Variants in USP46 observed in about 807,000 individuals in gnomAD.
USP46 encodes the protein ubiquitin carboxyl-terminal hydrolase 46.
Under a neutral mutation model 44.4 loss-of-function variants are expected in USP46, and 12 were observed. The observed-to-expected ratio is 0.27, with a 90% CI of 0.17 to 0.44. The LOEUF is 0.44. Among genes scored for constraint, USP46 ranks in the 20% least tolerant of loss-of-function variants. The pLI, the probability that USP46 is intolerant of heterozygous loss-of-function variation, is 1.00. For synonymous variants in USP46, 155 were observed against 161.5 expected, an observed-to-expected ratio of 0.96 and a Z score of 0.31; for missense variants, 248 against 444.8, an observed-to-expected ratio of 0.56 and a Z score of 3.98.
intron 2 of USP46, among the ~76,000 whole-genome samples, chr4:52,629,965 T>A (rs1331683203): frequency 6.6e-6 from 1 of 152,228 alleles, no homozygotes; most frequent in Non-Finnish European, 1.5e-5. Flanking sequence ...CAGCATTTAC[T>A]TGCAGAGAAT....
At chr4:52,642,666 T>A (rs945192548) in intron 1 of USP46, among the ~76,000 whole-genome samples, 1 of 152,128 alleles carries the variant, frequency 6.6e-6, no homozygotes, top group South Asian at 2.1e-4. Context: ...AAAATTGAGG[T>A]TGGGAGTCAG....
intron 1 of USP46, among the ~76,000 whole-genome samples, chr4:52,636,241 G>A (rs1357167616): frequency 6.6e-6 from 1 of 152,060 alleles, no homozygotes; most frequent in African/African-American, 2.4e-5. Context: ...TGGAGGAAGA[G>A]GCCAGAGGCA....
At chr4:52,620,640 T>C (rs1717341883) in intron 4 of USP46, among the ~76,000 whole-genome samples, 1 of 152,084 alleles carries the variant, frequency 6.6e-6, no homozygotes, top group Non-Finnish European at 1.5e-5. Flanking sequence ...CAGGGACAGA[T>C]GATGTAGAGA....
intron 7 of USP46, among the ~76,000 whole-genome samples, chr4:52,600,695 C>T (rs1209944639): frequency 2.0e-5 from 3 of 152,052 alleles, no homozygotes; most frequent in African/African-American, 4.8e-5. Flanking sequence ...CACACCACCC[C>T]TGCCACCCAC....
At chr4:52,654,746 A>C (rs992586609) in intron 1 of USP46, among the ~76,000 whole-genome samples, 1 of 152,190 alleles carries the variant, frequency 6.6e-6, no homozygotes, top group Admixed American at 6.5e-5. Flanking sequence ...GATGTCAAAA[A>C]TTATCCTGAG....
Position 52,636,540 on chromosome 4 carries a change from T to C in USP46, c.37-5396A>G, listed in dbSNP as rs536161569. Among the ~76,000 whole-genome samples, 181 of 151,886 alleles carry C rather than the reference T, an allele frequency of 1.2e-3. No individual in the cohort carries two copies. The Middle Eastern group carries it at 0.024, about 20-fold the overall frequency. On this transcript the variant is annotated intron_variant, in intron 1 of 8. Coordinates refer to ENST00000441222, the MANE Select transcript of USP46 (RefSeq NM_022832.4). Reference sequence around the variant, plus strand: ...GGCCAATATGGTGAAACCCCATCTCTAGTAAAAATACAAAAATTAGCCGGG... The same window carrying C: ...GGCCAATATGGTGAAACCCCATCTCCAGTAAAAATACAAAAATTAGCCGGG...
At position 52,595,757 on chromosome 4, in the gene USP46, T is replaced by C. The variant is rs1016556078; in HGVS notation, c.*1883A>G. 6.6e-6 allele frequency: 1 copy of C among 152,188 alleles called. No homozygotes were observed. Among genetic ancestry groups the C allele is most frequent in the African/African-American group, 2.4e-5 (1 of 41,442 alleles). 9.4% of individuals were successfully genotyped at this position (152,188 alleles called of 1,614,324 possible). Reference sequence around the variant, plus strand: ...TTCCAAATATATTAGAGACCAACCATCATGTTCTTAAAACTTTGTAACTTG... The same window carrying C: ...TTCCAAATATATTAGAGACCAACCACCATGTTCTTAAAACTTTGTAACTTG... On this transcript the variant is annotated 3_prime_UTR_variant, in exon 9 of 9. Transcript: ENST00000441222.
chr4:52,658,123 G>T (rs1211542763), intron 1 of USP46: 2 of 442,814 alleles, frequency 4.5e-6, no homozygotes, highest in South Asian at 1.6e-5. Context: ...GGGGCTAGAG[G>T]GGAGGCGGGG....
intron 4 of USP46, among the ~76,000 whole-genome samples, chr4:52,624,510 G>C (rs1717501687): frequency 6.6e-6 from 1 of 152,138 alleles, no homozygotes; most frequent in African/African-American, 2.4e-5. Context: ...CTTCTACAAT[G>C]GGTAAAACAG....
At chr4:52,644,842 G>A (rs184252186) in intron 1 of USP46, among the ~76,000 whole-genome samples, 50 of 151,858 alleles carry the variant, frequency 3.3e-4, no homozygotes, top group African/African-American at 1.1e-3. Flanking sequence ...TGGATCACGC[G>A]GTCAGGAGTT....
In USP46 at chr4:52,597,693, T is replaced by C. The variant is rs1246314224; in HGVS notation, c.1048A>G (p.Ile350Val). ...TATCCAGATTCTGAATTTTTTGATA[T>C]ATCTGACGTCAGGCCATAGAATTCT... ...IEEFYGLTSD[I>V]SKNSESGYIL... The change falls in exon 9 of 9, where the codon ATA becomes GTA. Residue 350 changes from isoleucine (I) to valine (V), a missense_variant. Around this residue, in one of 5 missense-constraint regions of USP46, gnomAD observed 28 missense variants for 28.5 expected, o/e 0.98. Transcript: ENST00000441222. The C allele has an allele frequency of 3.7e-6, 6 of 1,603,744 alleles. No individual in the cohort carries two copies. In the East Asian group the frequency reaches 1.1e-4, roughly 30 times the overall value.
At chr4:52,610,678 A>G in intron 4 of USP46, 61 bp from the exon 5 acceptor site, 1 of 1,500,920 alleles carries the variant, frequency 6.7e-7, no homozygotes, top group Non-Finnish European at 9.2e-7. Context: ...AAAACTTTGA[A>G]CATGTATAGG....
chr4:52,625,040 T>A (rs932228073), intron 4 of USP46, among the ~76,000 whole-genome samples: 4 of 152,222 alleles, frequency 2.6e-5, no homozygotes, highest in African/African-American at 9.6e-5. Flanking sequence ...CTACTACCTC[T>A]CTTTCCAGAA....
chr4:52,635,132 G>A (rs1257644993), intron 1 of USP46, among the ~76,000 whole-genome samples: 1 of 149,482 alleles, frequency 6.7e-6, no homozygotes, highest in Admixed American at 6.7e-5. Flanking sequence ...GTTACCACTG[G>A]CTTCTTTTAA....
intron 1 of USP46, among the ~76,000 whole-genome samples, chr4:52,646,045 A>G (rs1406283420): frequency 1.3e-5 from 2 of 151,776 alleles, no homozygotes; most frequent in African/African-American, 4.8e-5. Flanking sequence ...AGTCAATTAA[A>G]CCTCTTTTCT....
chr4:52,650,285 G>A (rs1042176460), intron 1 of USP46, among the ~76,000 whole-genome samples: 3 of 152,176 alleles, frequency 2.0e-5, no homozygotes, highest in Non-Finnish European at 4.4e-5. Context: ...GAATAAACTC[G>A]ACCTCTATGT....
At position 52,594,085 on chromosome 4, in the gene USP46, A is replaced by G. The variant is rs1220095628; in HGVS notation, c.*3555T>C. 1 of 152,228 alleles carries G rather than the reference A, an allele frequency of 6.6e-6. No homozygotes were observed. Among genetic ancestry groups the G allele is most frequent in the Non-Finnish European group, 1.5e-5 (1 of 68,030 alleles). 9.4% of individuals were successfully genotyped at this position (152,228 alleles called of 1,614,324 possible). A position where few individuals can be genotyped will look rare whatever the true frequency, so the allele number is the denominator to read the frequency against. On this transcript the variant is annotated 3_prime_UTR_variant, in exon 9 of 9. Coordinates refer to ENST00000441222, the MANE Select transcript of USP46 (RefSeq NM_022832.4). ...AATTGTTTGTAATAATTACTTGGACATAAGACCTGCCACTGACTCACACTT... is the reference window on the plus strand; with the variant it reads ...AATTGTTTGTAATAATTACTTGGACGTAAGACCTGCCACTGACTCACACTT...
chr4:52,632,998 G>GAAAGAAAGAAAGAAAAGA (rs1717967173), intron 1 of USP46, among the ~76,000 whole-genome samples: 5 of 112,614 alleles, frequency 4.4e-5, no homozygotes, highest in South Asian at 6.1e-4. Flanking sequence ...AGAAAAGAAA[G>GAAAGAAAGAAAGAAAAGA]AAAGAAAGAA....
At chr4:52,622,120 G>T (rs917424487) in intron 4 of USP46, among the ~76,000 whole-genome samples, 1 of 152,162 alleles carries the variant, frequency 6.6e-6, no homozygotes, top group Admixed American at 6.5e-5. Context: ...AGATAGTATT[G>T]ACACACAAAA....
Sources: gnomAD v4.1 joint callset for allele counts (sites outside exome capture counted in the v4.1 genomes callset) on GRCh38, gnomAD v4.1.1 for gene constraint, gnomAD v4.1.1 regional missense constraint, MANE v1.5 for transcripts, NCBI Gene and HGNC (gene_info 2026-07-23, HGNC 2026-07-21) for gene names.